SLC1A2: variants seen among roughly 807,000 people sequenced by gnomAD.
SLC1A2 encodes the protein excitatory amino acid transporter 2.
In SLC1A2, 15 loss-of-function variants were observed where a neutral mutation model predicts 48.8. That is an observed-to-expected ratio of 0.31 (90% CI 0.21 to 0.47). The LOEUF (loss-of-function observed/expected upper bound fraction) is 0.47, where lower values mean the gene tolerates loss of function less well. Among genes scored for constraint, SLC1A2 ranks in the 20% least tolerant of loss-of-function variants. The pLI is 0.99. For missense variants in SLC1A2, 502 were observed against 730.5 expected (o/e 0.69, Z 3.61); for synonymous variants, 279 against 272.6 (o/e 1.02, Z -0.23).
rs1354048334 is a variant in SLC1A2, at chr11:35,260,791, A to G, written c.*103T>C. 2.3e-6 allele frequency: 2 copies of G among 851,872 alleles called. No individual in the cohort carries two copies. Among genetic ancestry groups the G allele is most frequent in the Non-Finnish European group, 4.0e-6 (2 of 503,870 alleles). The allele number at this position is 851,872 out of a possible 1,614,324, so 52.8% of individuals were successfully genotyped here. On this transcript the variant is annotated 3_prime_UTR_variant, in exon 11 of 11. Transcript: ENST00000278379. ...GGCTAACAGATTAAGTAAACATAGA[A>G]ATATACGCATTTTTTTCCTTTTTAA...
chr11:35,266,025 T>G (rs1197277003), intron 9 of SLC1A2, among the ~76,000 whole-genome samples: 1 of 152,092 alleles, frequency 6.6e-6, no homozygotes, highest in African/African-American at 2.4e-5. Context: ...TGGCAAATGG[T>G]AAACACCAAT....
At position 35,301,505 on chromosome 11, in the gene SLC1A2, A is replaced by G; in HGVS notation, c.857+14T>C. 3 of 1,613,038 alleles carry G rather than the reference A, an allele frequency of 1.9e-6. No homozygotes were observed. Among genetic ancestry groups the G allele is most frequent in the Non-Finnish European group, 2.5e-6 (3 of 1,179,348 alleles). On this transcript the variant is annotated intron_variant, in intron 6 of 10. Transcript: ENST00000278379. ...CTCAACCCACTGCTAAGAAGTAAGA[A>G]CAAGGCCACTTACCACATGATCATG...
At chr11:35,275,813 C>G (rs1850422691) in intron 9 of SLC1A2, among the ~76,000 whole-genome samples, 1 of 152,182 alleles carries the variant, frequency 6.6e-6, no homozygotes, top group East Asian at 1.9e-4. Flanking sequence ...TGCTTTTCCT[C>G]CACAGACTAC....
chr11:35,316,423 T>C (rs1400579996), intron 2 of SLC1A2: 1 of 152,212 alleles, frequency 6.6e-6, no homozygotes, highest in Non-Finnish European at 1.5e-5. Context: ...CTTCAAGTCC[T>C]GTGATGAATT....
chr11:35,371,869 T>C (rs1854073484), intron 1 of SLC1A2, among the ~76,000 whole-genome samples: 1 of 152,246 alleles, frequency 6.6e-6, no homozygotes, highest in Non-Finnish European at 1.5e-5. Context: ...AGCACTATTC[T>C]ACCTGATCTT....
upstream of SLC1A2, chr11:35,419,829 C>G: frequency 2.7e-6 from 1 of 375,408 alleles, no homozygotes; most frequent in Non-Finnish European, 5.6e-6. The surrounding 1 kb of genome is among the most constrained non-coding windows in gnomAD (Gnocchi z 5.4). Context: ...CCGGGATGCC[C>G]CTCCGTCTCC....
Position 35,328,483 on chromosome 11 carries a change from C to G in SLC1A2, c.18-10967G>C, listed in dbSNP as rs577339784. Among the ~76,000 whole-genome samples the G allele has an allele frequency of 2.0e-5, 3 of 152,308 alleles. No individual in the cohort carries two copies. In the South Asian group the frequency reaches 6.2e-4, roughly 32 times the overall value. The stretch of plus-strand genomic sequence containing the variant: ...AGGAGATAGGTACTACTATCAGCAA[C>G]TTTTACTGAAGGAAAAATGAAGTCA... On this transcript the variant is annotated intron_variant, in intron 1 of 10. Transcript: ENST00000278379.
rs112090066 is a variant in SLC1A2 at position 35,369,900 on chromosome 11, A to T, written c.17+49050T>A. The stretch of plus-strand genomic sequence containing the variant: ...ATCCCTAGCCAGTCAAGTAAGAAAC[A>T]GTCCATATAGGAATAAAGTATCTGG... On this transcript the variant is annotated intron_variant, in intron 1 of 10. Transcript: ENST00000278379. 1.4e-3 allele frequency among the ~76,000 whole-genome samples: 211 copies of T among 152,350 alleles called. 1 individual carries two copies. The highest frequency in any genetic ancestry group is 4.6e-3 in the African/African-American group (192 of 41,586).
chr11:35,316,063 C>T (rs1851866668), intron 2 of SLC1A2: 1 of 152,218 alleles, frequency 6.6e-6, no homozygotes, highest in Admixed American at 6.5e-5. Flanking sequence ...TCCTTGACTT[C>T]TATGTCCTTT....
chr11:35,381,530 G>T (rs1854422069), intron 1 of SLC1A2, among the ~76,000 whole-genome samples: 1 of 151,964 alleles, frequency 6.6e-6, no homozygotes, highest in African/African-American at 2.4e-5. Context: ...TACCCATAAA[G>T]ATCACCCCTT....
intron 5 of SLC1A2, among the ~76,000 whole-genome samples, 193 bp downstream of exon 5, chr11:35,305,881 A>G (rs904641309): frequency 1.3e-5 from 2 of 151,910 alleles, no homozygotes; most frequent in Non-Finnish European, 2.9e-5. Context: ...CTGTCCCCTT[A>G]TGGTCTCCTC....
chr11:35,368,734 G>A (rs893377785), intron 1 of SLC1A2, among the ~76,000 whole-genome samples: 2 of 152,190 alleles, frequency 1.3e-5, no homozygotes, highest in Non-Finnish European at 2.9e-5. Context: ...AGAGAACAAT[G>A]GTGCATACAC....
intron 6 of SLC1A2, among the ~76,000 whole-genome samples, chr11:35,297,389 T>G (rs541793813): frequency 1.3e-5 from 2 of 152,292 alleles, no homozygotes; most frequent in South Asian, 2.1e-4. Flanking sequence ...TACTTGCAAG[T>G]GAGCCCAATC....
intron 1 of SLC1A2, among the ~76,000 whole-genome samples, chr11:35,356,508 G>C (rs929505445): frequency 6.6e-6 from 1 of 152,208 alleles, no homozygotes; most frequent in African/African-American, 2.4e-5. Flanking sequence ...GAAGGCCCTT[G>C]GTTGCAATGT....
chr11:35,374,404 C>G, intron 1 of SLC1A2: 2 of 540,612 alleles, frequency 3.7e-6, no homozygotes, highest in Non-Finnish European at 6.8e-6. Flanking sequence ...GATCTGGTCA[C>G]CTGTCTGGAG....
intron 9 of SLC1A2, among the ~76,000 whole-genome samples, chr11:35,277,762 C>T (rs1246647564): frequency 7.2e-6 from 1 of 139,330 alleles, no homozygotes. Flanking sequence ...TGGCTTCCTT[C>T]GTCTTTCTTT....
At chr11:35,338,201 C>T (rs1283635471) in intron 1 of SLC1A2, among the ~76,000 whole-genome samples, 1 of 144,716 alleles carries the variant, frequency 6.9e-6, no homozygotes, top group Non-Finnish European at 1.5e-5. Context: ...TACTTTTGCA[C>T]TCCAAGAGCA....
At chr11:35,312,888 G>A (rs1487457811) in intron 3 of SLC1A2, among the ~76,000 whole-genome samples, 1 of 151,942 alleles carries the variant, frequency 6.6e-6, no homozygotes, top group African/African-American at 2.4e-5. Context: ...TTGAATATTT[G>A]ATCAATCCCA....
intron 9 of SLC1A2, among the ~76,000 whole-genome samples, chr11:35,271,084 AGACT>A (rs1490300667): frequency 6.6e-6 from 1 of 152,222 alleles, no homozygotes; most frequent in Non-Finnish European, 1.5e-5. Context: ...TAGGACTTGA[AGACT>A]GATTGGTTAT....
Sources: allele counts gnomAD v4.1 joint callset (sites outside exome capture counted in the v4.1 genomes callset), GRCh38; gene constraint gnomAD v4.1.1; non-coding constraint Gnocchi (gnomAD v3.1); transcripts MANE v1.5; gene names NCBI Gene and HGNC (gene_info 2026-07-23, HGNC 2026-07-21).